Variants in TMPRSS15 observed in about 807,000 individuals in gnomAD.
TMPRSS15 encodes the protein transmembrane serine protease 15, also known as enteropeptidase.
In TMPRSS15, 128 loss-of-function variants were observed where a neutral mutation model predicts 125.3. The observed-to-expected ratio is 1.02, with a 90% CI of 0.89 to 1.18. The LOEUF (loss-of-function observed/expected upper bound fraction) is 1.18. Ranked by LOEUF, TMPRSS15 falls within the 50% of genes most tolerant of loss-of-function variation. TMPRSS15 has a pLI of 0.00. For synonymous variants in TMPRSS15, 446 were observed against 423.2 expected, an observed-to-expected ratio of 1.05 and a Z score of -0.66; for missense variants, 1,283 against 1,212.7, an observed-to-expected ratio of 1.06 and a Z score of -0.86.
Position 18,332,135 on chromosome 21 carries a change from T to C in TMPRSS15, c.1603A>G (p.Thr535Ala). 1 of 1,614,132 alleles carries C rather than the reference T, an allele frequency of 6.2e-7. No individual in the cohort carries two copies. ...GGPFELWEPN[T>A]TFSSTNFPNS... ...GGAAAGTTCGTAGAACTGAATGTTG[T>C]ATTTGGCTCCCACAGCTCAAAAGGT... Residue 535 changes from threonine to alanine, a missense_variant, in exon 14 of 25, where the codon ACA becomes GCA. Coordinates refer to ENST00000284885, the MANE Select transcript of TMPRSS15 (RefSeq NM_002772.3).
At chr21:18,356,338 A>T (rs1318234814) in intron 8 of TMPRSS15, among the ~76,000 whole-genome samples, 1 of 151,758 alleles carries the variant, frequency 6.6e-6, no homozygotes, top group African/African-American at 2.4e-5. Flanking sequence ...AAAATGCGGC[A>T]ACTAGAGTAC....
At chr21:18,481,100 T>C (rs1197764242) in intron 1 of TMPRSS15, among the ~76,000 whole-genome samples, 1 of 151,878 alleles carries the variant, frequency 6.6e-6, no homozygotes, top group African/African-American at 2.4e-5. Flanking sequence ...AGGATTTGTA[T>C]CCTGACTCTA....
rs940714620 is a variant in TMPRSS15 at position 18,275,237 on chromosome 21, A to G, written c.2864T>C (p.Ile955Thr). Residue 955 changes from isoleucine (I) to threonine (T), a missense_variant, in exon 24 of 25, where the codon ATA (isoleucine) becomes ACA (threonine). Transcript: ENST00000284885. ...TCCTCCTTCTTCATAGCCTGCACAT[A>G]TCATATTTTCAGTAATGTTATATTC... ...MPEYNITENM[I>T]CAGYEEGGID... is the part of the protein sequence containing the mutation. 1.2e-6 allele frequency: 2 copies of G among 1,614,076 alleles called. No homozygotes were observed. Among genetic ancestry groups the G allele is most frequent in the South Asian group, 1.1e-5 (1 of 91,080 alleles).
At chr21:18,353,885 T>C in intron 8 of TMPRSS15, 22 bp from the exon 9 acceptor site, 1 of 1,599,548 alleles carries the variant, frequency 6.3e-7, no homozygotes, top group Non-Finnish European at 8.6e-7. Flanking sequence ...AATAAACAAC[T>C]GTTATATGTA....
At chr21:18,355,451 G>A (rs1346614031) in intron 8 of TMPRSS15, among the ~76,000 whole-genome samples, 1 of 151,826 alleles carries the variant, frequency 6.6e-6, no homozygotes, top group East Asian at 1.9e-4. Flanking sequence ...TCCTAAAATG[G>A]TGTAGAATAT....
intron 18 of TMPRSS15, among the ~76,000 whole-genome samples, chr21:18,299,614 A>G (rs2074943508): frequency 6.6e-6 from 1 of 152,152 alleles, no homozygotes; most frequent in African/African-American, 2.4e-5. Context: ...TCTTCTAGAC[A>G]TCTCTCTTCT....
chr21:18,428,273 A>C (rs13048090), intron 1 of TMPRSS15, among the ~76,000 whole-genome samples: 5 of 152,210 alleles, frequency 3.3e-5, no homozygotes, highest in Non-Finnish European at 7.3e-5. Context: ...AAAGGTATTC[A>C]GTTTCATAAG....
intron 1 of TMPRSS15, among the ~76,000 whole-genome samples, chr21:18,437,049 G>A (rs1009003549): frequency 6.8e-6 from 1 of 147,258 alleles, no homozygotes; most frequent in African/African-American, 2.5e-5. Context: ...AAAGCTGAAG[G>A]CATCATGCTA....
chr21:18,298,337 T>C (rs1308977488), intron 18 of TMPRSS15, among the ~76,000 whole-genome samples: 1 of 152,244 alleles, frequency 6.6e-6, no homozygotes, highest in African/African-American at 2.4e-5. Context: ...TTTTGCTTTG[T>C]TCTTGATATT....
At chr21:18,359,410 GA>G (rs2147021021) in intron 8 of TMPRSS15, among the ~76,000 whole-genome samples, 1 of 152,124 alleles carries the variant, frequency 6.6e-6, no homozygotes, top group East Asian at 1.9e-4. Context: ...GCAATGCAGA[GA>G]AAACAGAATA....
At chr21:18,469,803 G>T (rs75251564) in intron 1 of TMPRSS15, among the ~76,000 whole-genome samples, 2 of 151,900 alleles carry the variant, frequency 1.3e-5, no homozygotes, top group Admixed American at 1.3e-4. Context: ...TAACTGTCTC[G>T]TTATTGTAGC....
intron 17 of TMPRSS15, among the ~76,000 whole-genome samples, chr21:18,314,569 C>T (rs955257068): frequency 7.2e-5 from 11 of 152,234 alleles, no homozygotes; most frequent in East Asian, 1.9e-4. Context: ...TGAGCCACTG[C>T]GCCTGACCAG....
intron 18 of TMPRSS15, among the ~76,000 whole-genome samples, chr21:18,302,578 G>A (rs2074984922): frequency 6.6e-6 from 1 of 152,146 alleles, no homozygotes; most frequent in Admixed American, 6.5e-5. Flanking sequence ...GGAGTTGATG[G>A]CATTTACTCA....
chr21:18,277,264 T>G (rs1332148022), intron 23 of TMPRSS15, among the ~76,000 whole-genome samples: 4 of 151,944 alleles, frequency 2.6e-5, no homozygotes, highest in African/African-American at 7.3e-5. Flanking sequence ...CAGACATATA[T>G]CTTTAGTAAC....
chr21:18,298,011 T>C (rs1443838196), intron 18 of TMPRSS15, among the ~76,000 whole-genome samples, 182 bp from the exon 19 acceptor site: 1 of 152,158 alleles, frequency 6.6e-6, no homozygotes, highest in Non-Finnish European at 1.5e-5. Flanking sequence ...TGCAAATGAG[T>C]AGAATTACCC....
At chr21:18,451,034 A>G (rs1459150168) in intron 1 of TMPRSS15, among the ~76,000 whole-genome samples, 2 of 152,162 alleles carry the variant, frequency 1.3e-5, no homozygotes, top group African/African-American at 4.8e-5. Flanking sequence ...AAGCATTACA[A>G]TGCAATGTTC....
chr21:18,426,789 T>C (rs1418958684), intron 1 of TMPRSS15, among the ~76,000 whole-genome samples: 1 of 152,150 alleles, frequency 6.6e-6, no homozygotes, highest in African/African-American at 2.4e-5. Context: ...GTGGAAAAAA[T>C]GTGTTGCCAA....
At chr21:18,403,976 G>A (rs541111778), upstream of TMPRSS15, among the ~76,000 whole-genome samples, 1 of 152,258 alleles carries the variant, frequency 6.6e-6, no homozygotes, top group South Asian at 2.1e-4. Context: ...AGAAAAATGT[G>A]AAATTCATGA....
chr21:18,271,437 C>T (rs2074554676), intron 24 of TMPRSS15, among the ~76,000 whole-genome samples: 1 of 152,104 alleles, frequency 6.6e-6, no homozygotes, highest in Non-Finnish European at 1.5e-5. Flanking sequence ...CATACTGGGT[C>T]GGTTGCAGTT....
Sources: allele counts gnomAD v4.1 joint callset (sites outside exome capture counted in the v4.1 genomes callset), GRCh38; gene constraint gnomAD v4.1.1; transcripts MANE v1.5; gene names NCBI Gene and HGNC (gene_info 2026-07-23, HGNC 2026-07-21).